Variants in CLGN observed in about 807,000 individuals in gnomAD.
CLGN encodes the protein testis tissue sperm-binding protein Li 79P.
In CLGN, 62 loss-of-function variants were observed where a neutral mutation model predicts 79.1. The ratio of observed to expected loss-of-function variants is 0.78; its 90% CI spans 0.64 to 0.97. The LOEUF (loss-of-function observed/expected upper bound fraction) is 0.97, where lower values mean the gene tolerates loss of function less well. Among genes scored for constraint, CLGN ranks in the 50% least tolerant of loss-of-function variants. CLGN has a pLI of 0.00. For synonymous variants in CLGN, 225 were observed against 224.7 expected (o/e 1.00, Z -0.01); for missense variants, 647 against 715.5 (o/e 0.90, Z 1.09).
chr4:140,410,574 A>G lies in CLGN; in HGVS notation c.197T>C (p.Phe66Ser). Residue 66 changes from phenylalanine (F) to serine (S), a missense_variant, in exon 3 of 15, where the codon TTT (phenylalanine) becomes TCT (serine). Phe to Ser is a radical substitution (Grantham distance 155). Coordinates refer to ENST00000325617, the MANE Select transcript of CLGN (RefSeq NM_004362.3). ...PIGEVYFAET[F>S]DSGRLAGWVL... ...TCACCCAGCCAACCTTCCACTATCA[A>G]AAGTTTCTGCAAAATATACTTCTCC... 1 of 1,603,620 alleles carries G rather than the reference A, an allele frequency of 6.2e-7. No individual in the cohort carries two copies. Among genetic ancestry groups the G allele is most frequent in the Non-Finnish European group, 8.5e-7 (1 of 1,171,014 alleles).
At chr4:140,421,361 T>G (rs34476519) in intron 1 of CLGN, among the ~76,000 whole-genome samples, 2,371 of 152,154 alleles carry the variant, frequency 0.016, 49 homozygotes, top group South Asian at 0.036. Context: ...TATTTTTTTT[T>G]GAATCCTCAT....
At chr4:140,399,086 G>A (rs771020709) in intron 7 of CLGN, 46 bp from the exon 8 acceptor site, 22 of 1,465,052 alleles carry the variant, frequency 1.5e-5, no homozygotes, top group Middle Eastern at 3.5e-4. Flanking sequence ...TTTGATATAC[G>A]CTTTAAAGAT....
At chr4:140,423,938 AT>A (rs1449529964) in intron 1 of CLGN, among the ~76,000 whole-genome samples, 1 of 151,932 alleles carries the variant, frequency 6.6e-6, no homozygotes, top group Admixed American at 6.6e-5. Context: ...AGGTTTGTTA[AT>A]TTTTTTGTTG....
intron 8 of CLGN, among the ~76,000 whole-genome samples, chr4:140,397,833 G>A (rs907232246): frequency 6.6e-6 from 1 of 152,146 alleles, no homozygotes; most frequent in Admixed American, 6.5e-5. Flanking sequence ...GAACCCAGGA[G>A]GCAGAGGCTG....
At chr4:140,427,496 G>A (rs935773340) in intron 1 of CLGN, 41 bp downstream of exon 1, 3 of 152,366 alleles carry the variant, frequency 2.0e-5, no homozygotes, top group African/African-American at 7.2e-5. Context: ...TGCGCGCAAA[G>A]GGCAGCGGGA....
At chr4:140,408,882 T>C (rs867624974) in intron 4 of CLGN, among the ~76,000 whole-genome samples, 105 of 134,634 alleles carry the variant, frequency 7.8e-4, no homozygotes, top group Admixed American at 4.6e-3. Flanking sequence ...TATATATATA[T>C]ATACACACAC....
At chr4:140,416,653 G>A (rs1473984126) in intron 1 of CLGN, among the ~76,000 whole-genome samples, 1 of 151,062 alleles carries the variant, frequency 6.6e-6, no homozygotes, top group Non-Finnish European at 1.5e-5. Flanking sequence ...AAACCAGGAA[G>A]AAGTTGAATC....
intron 7 of CLGN, among the ~76,000 whole-genome samples, chr4:140,400,097 A>G (rs1224306250): frequency 6.6e-6 from 1 of 152,188 alleles, no homozygotes; most frequent in South Asian, 2.1e-4. Flanking sequence ...GACGAGTTCA[A>G]ATATAATCTT....
At chr4:140,404,547 C>A (rs1278348674) in intron 5 of CLGN, among the ~76,000 whole-genome samples, 1 of 152,118 alleles carries the variant, frequency 6.6e-6, no homozygotes, top group African/African-American at 2.4e-5. Context: ...ATTTTATTTA[C>A]CCCATTTCAT....
intron 13 of CLGN, 29 bp from the exon 14 acceptor site, chr4:140,390,757 G>T: frequency 6.8e-7 from 1 of 1,461,726 alleles, no homozygotes. Flanking sequence ...TAAAAGCAAA[G>T]ACTCAATAAA....
chr4:140,409,225 T>C (rs182180362), intron 4 of CLGN, among the ~76,000 whole-genome samples: 21 of 152,136 alleles, frequency 1.4e-4, no homozygotes, highest in Admixed American at 1.2e-3. Flanking sequence ...CTTCAGCATA[T>C]AACAATCAAG....
intron 2 of CLGN, 26 bp downstream of exon 2, chr4:140,412,909 T>G (rs769157238): frequency 6.3e-7 from 1 of 1,598,214 alleles, no homozygotes; most frequent in Non-Finnish European, 8.6e-7. Flanking sequence ...AGGAATAATT[T>G]ATAACCCATT....
chr4:140,415,170 AG>A (rs1324468921), intron 1 of CLGN, among the ~76,000 whole-genome samples: 2 of 152,340 alleles, frequency 1.3e-5, no homozygotes, highest in African/African-American at 4.8e-5. Flanking sequence ...TGTCACCACC[AG>A]GCCTGCCCTA....
chr4:140,392,791 T>C (rs1728800394), intron 11 of CLGN, 80 bp from the exon 12 acceptor site: 1 of 1,336,666 alleles, frequency 7.5e-7, no homozygotes, highest in South Asian at 1.8e-5. Context: ...AAAAAACTTA[T>C]TTACTCAGGC....
intron 1 of CLGN, among the ~76,000 whole-genome samples, chr4:140,420,423 C>T (rs140108143): frequency 4.0e-4 from 61 of 152,168 alleles, no homozygotes; most frequent in African/African-American, 1.4e-3. Context: ...ATCTTTACAG[C>T]CCAGGACATG....
intron 11 of CLGN, 116 bp from the exon 12 acceptor site, chr4:140,392,827 C>T (rs959047432): frequency 6.1e-5 from 56 of 923,272 alleles, no homozygotes; most frequent in Middle Eastern, 4.9e-4. Flanking sequence ...GTGATGAACT[C>T]GTAAGTAAAA....
At chr4:140,389,456 C>A (rs1728734190) in intron 14 of CLGN, 152 bp from the exon 15 acceptor site, 1 of 627,252 alleles carries the variant, frequency 1.6e-6, no homozygotes, top group Non-Finnish European at 2.7e-6. Flanking sequence ...ATAGTTATTT[C>A]TCAAGGCTAT....
At chr4:140,398,517 C>G (rs894484594) in intron 8 of CLGN, among the ~76,000 whole-genome samples, 6 of 151,756 alleles carry the variant, frequency 4.0e-5, no homozygotes, top group Admixed American at 6.6e-5. Flanking sequence ...GATCTGCCCA[C>G]CTCGGACTCT....
At chr4:140,414,823 A>G (rs1005408699) in intron 1 of CLGN, among the ~76,000 whole-genome samples, 54 of 150,652 alleles carry the variant, frequency 3.6e-4, no homozygotes, top group Non-Finnish European at 2.2e-4. Flanking sequence ...AGGCAGGCCA[A>G]CGTTCAGATT....
Sources: allele counts gnomAD v4.1 joint callset (sites outside exome capture counted in the v4.1 genomes callset), GRCh38; gene constraint gnomAD v4.1.1; transcripts MANE v1.5; gene names NCBI Gene and HGNC (gene_info 2026-07-23, HGNC 2026-07-21).